YTHDF2: variants seen among roughly 807,000 people sequenced by gnomAD.
YTHDF2 encodes YTH N6-methyladenosine RNA binding protein F2.
In YTHDF2, 2 loss-of-function variants were observed where a neutral mutation model predicts 50.4. The observed-to-expected ratio is 0.04, with a 90% CI of 0.02 to 0.12. YTHDF2 has a LOEUF of 0.12. YTHDF2 is among the 10% of genes least tolerant of loss of function. The probability of loss-of-function intolerance (pLI) is 1.00; values close to 1 mark genes in which losing one functional copy is unlikely to be tolerated. For missense variants in YTHDF2, 483 were observed against 722.6 expected, an observed-to-expected ratio of 0.67 and a Z score of 3.80; for synonymous variants, 217 against 255.6, an observed-to-expected ratio of 0.85 and a Z score of 1.44.
Position 28,737,077 on chromosome 1 carries a change from G to T in YTHDF2, c.-44G>T, listed in dbSNP as rs763609519. 23 of 1,577,044 alleles carry T rather than the reference G, an allele frequency of 1.5e-5. No individual in the cohort carries two copies. In the East Asian group the frequency reaches 4.0e-4, roughly 27 times the overall value. On this transcript the variant is annotated 5_prime_UTR_variant, in exon 1 of 5. Transcript: ENST00000373812. The stretch of plus-strand genomic sequence containing the variant: ...GCTCATCTGCCGCCGCCGCCGCGCT[G>T]AGGAGAGTTCGCCGCCGTCGCCGCC...
At chr1:28,744,739 G>A (rs972412452) in intron 4 of YTHDF2, among the ~76,000 whole-genome samples, 4 of 152,086 alleles carry the variant, frequency 2.6e-5, no homozygotes, top group African/African-American at 4.8e-5. Flanking sequence ...CATGATGTCC[G>A]CCCACTCCAG....
chr1:28,744,752 T>G (rs919554871), intron 4 of YTHDF2, among the ~76,000 whole-genome samples: 1 of 152,084 alleles, frequency 6.6e-6, no homozygotes, highest in Non-Finnish European at 1.5e-5. Flanking sequence ...CACTCCAGCC[T>G]CCACCTTCTG....
chr1:28,748,127 C>CAA (rs1333197193), intron 4 of YTHDF2, among the ~76,000 whole-genome samples: 46 of 127,036 alleles, frequency 3.6e-4, no homozygotes, highest in African/African-American at 1.1e-3. Flanking sequence ...GACTCCATCT[C>CAA]AAAAAAAAAA....
rs1405060138 is a variant in YTHDF2, at chr1:28,738,314, T to G, written c.108T>G (p.Pro36=). 6.2e-6 allele frequency: 10 copies of G among 1,614,060 alleles called. No homozygotes were observed. The highest frequency in any genetic ancestry group is 8.5e-6 in the Non-Finnish European group (10 of 1,180,008). The part of the protein sequence containing the change: ...KDGLNDDDFE[P]YLSPQARPNN... ...GATTAAACGATGATGATTTTGAACC[T>G]TACTTGAGTCCACAGGCAAGGCCCG... The change falls in exon 3 of 5, where the codon CCT becomes CCG. Residue 36 remains proline, a synonymous_variant. Coordinates refer to ENST00000373812, the MANE Select transcript of YTHDF2 (RefSeq NM_016258.3).
chr1:28,740,366 T>TA (rs2087757574), intron 3 of YTHDF2: 1 of 152,180 alleles, frequency 6.6e-6, no homozygotes, highest in Non-Finnish European at 1.5e-5. Flanking sequence ...GCATAACCTG[T>TA]GATATTAAGT....
chr1:28,744,543 G>C (rs1318377812), intron 4 of YTHDF2, among the ~76,000 whole-genome samples: 1 of 152,216 alleles, frequency 6.6e-6, no homozygotes, highest in Admixed American at 6.5e-5. Context: ...ATGAGGAATG[G>C]ATTCAAACTA....
At chr1:28,753,190 G>GGACTACTCCATGATC (rs1553144969) in intron 4 of YTHDF2, among the ~76,000 whole-genome samples, 1 of 151,400 alleles carries the variant, frequency 6.6e-6, no homozygotes, top group Non-Finnish European at 1.5e-5. Flanking sequence ...CGAAGCTCAT[G>GGACTACTCCATGATC]GACTACTCCA....
At chr1:28,762,494 G>T (rs1174780553) in intron 4 of YTHDF2, among the ~76,000 whole-genome samples, 1 of 152,212 alleles carries the variant, frequency 6.6e-6, no homozygotes, top group East Asian at 1.9e-4. Context: ...CAAGGTTCAT[G>T]GGGGCATAGG....
chr1:28,763,394 C>T (rs1397107275), intron 4 of YTHDF2, among the ~76,000 whole-genome samples: 1 of 152,172 alleles, frequency 6.6e-6, no homozygotes, highest in African/African-American at 2.4e-5. Context: ...CTGCCTCAGC[C>T]TCCTGAGTAG....
intron 3 of YTHDF2, 126 bp from the exon 4 acceptor site, chr1:28,742,277 G>A (rs1474005267): frequency 1.6e-6 from 2 of 1,258,220 alleles, no homozygotes; most frequent in African/African-American, 3.0e-5. Context: ...TTACAGGTGT[G>A]AGCCACCGCG....
At chr1:28,742,228 C>T (rs938024520) in intron 3 of YTHDF2, among the ~76,000 whole-genome samples, 175 bp from the exon 4 acceptor site, 1 of 152,058 alleles carries the variant, frequency 6.6e-6, no homozygotes, top group South Asian at 2.1e-4. Context: ...CTCCTGACCT[C>T]AGGTGATCCA....
At chr1:28,745,726 C>T (rs1465398099) in intron 4 of YTHDF2, among the ~76,000 whole-genome samples, 7 of 95,308 alleles carry the variant, frequency 7.3e-5, no homozygotes, top group Non-Finnish European at 1.6e-4. Flanking sequence ...CTCCCCCCGC[C>T]CCCCCCCCCC....
chr1:28,761,096 A>G (rs911765201), intron 4 of YTHDF2, among the ~76,000 whole-genome samples: 2 of 141,282 alleles, frequency 1.4e-5, no homozygotes, highest in Middle Eastern at 4.0e-3. Context: ...ATGTCATTAT[A>G]TCGTGCATGA....
chr1:28,757,407 A>C (rs957730662), intron 4 of YTHDF2, among the ~76,000 whole-genome samples: 1 of 148,848 alleles, frequency 6.7e-6, no homozygotes, highest in African/African-American at 2.5e-5. Flanking sequence ...ATAGAGTGGG[A>C]AGGGACAGGG....
upstream of YTHDF2, chr1:28,736,824 G>T: frequency 2.6e-6 from 1 of 391,722 alleles, no homozygotes; most frequent in Non-Finnish European, 4.6e-6. Flanking sequence ...GTGAATGTGA[G>T]AGTCAGCGCT....
chr1:28,767,990 C>G (rs1223036963), intron 4 of YTHDF2, among the ~76,000 whole-genome samples: 1 of 150,836 alleles, frequency 6.6e-6, no homozygotes, highest in Non-Finnish European at 1.5e-5. Context: ...ATCACAAGGT[C>G]AGGAGTTCGA....
At chr1:28,753,397 A>AAAAAAAAAAAAAAAAAAAAAG in intron 4 of YTHDF2, among the ~76,000 whole-genome samples, 1 of 114,922 alleles carries the variant, frequency 8.7e-6, no homozygotes, top group South Asian at 2.9e-4. Context: ...AAAAAAAAAA[A>AAAAAAAAAAAAAAAAAAAAAG]ATCAGCCAGG....
chr1:28,745,466 G>C (rs1017898634), intron 4 of YTHDF2, among the ~76,000 whole-genome samples: 1 of 152,188 alleles, frequency 6.6e-6, no homozygotes, highest in African/African-American at 2.4e-5. Context: ...TGGCGTCATG[G>C]CTCACGCCTA....
At chr1:28,741,021 CG>C (rs1202020768) in intron 3 of YTHDF2, among the ~76,000 whole-genome samples, 1 of 146,950 alleles carries the variant, frequency 6.8e-6, no homozygotes, top group African/African-American at 2.5e-5. Flanking sequence ...TTTTTTGAGA[CG>C]GAGTCTTGCT....
Sources: allele counts gnomAD v4.1 joint callset (sites outside exome capture counted in the v4.1 genomes callset), GRCh38; gene constraint gnomAD v4.1.1; transcripts MANE v1.5; gene names NCBI Gene and HGNC (gene_info 2026-07-23, HGNC 2026-07-21).